LCN1: variants seen among roughly 807,000 people sequenced by gnomAD.
The protein encoded by LCN1 is lipocalin 1, also known as lipocalin-1.
A neutral mutation model predicts 22.3 loss-of-function variants in LCN1; 25 were observed. That is an observed-to-expected ratio of 1.12 (90% confidence interval 0.82 to 1.56). The LOEUF is 1.56. Among genes scored for constraint, LCN1 ranks in the 40% most tolerant of loss-of-function variants. LCN1 has a pLI of 0.00. For missense variants in LCN1, 219 were observed against 235.6 expected (o/e 0.93, Z 0.46); for synonymous variants, 85 against 97.6 (o/e 0.87, Z 0.76).
At chr9:135,522,613 T>C (rs112959046) in intron 2 of LCN1, among the ~76,000 whole-genome samples, 1,758 of 152,328 alleles carry the variant, frequency 0.012, 33 homozygotes, top group African/African-American at 0.039. Context: ...GAAATCCCTG[T>C]GTAGCGCTCA....
chr9:135,522,067 G>A lies in LCN1; in HGVS notation c.111G>A (p.Leu37=). The change falls in exon 2 of 7, where the codon CTG becomes CTA. Residue 37 remains leucine (L), a synonymous_variant. Transcript: ENST00000371781. ...TCCAGGTGTCAGGGACGTGGTATCT[G>A]AAGGCCATGACGGTGGACAGGGAGT... The part of the protein sequence containing the change: ...EIQDVSGTWY[L]KAMTVDREFP... 6.3e-7 allele frequency: 1 copy of A among 1,593,178 alleles called. No individual in the cohort carries two copies. Among genetic ancestry groups the A allele is most frequent in the East Asian group, 2.3e-5 (1 of 43,858 alleles).
intron 1 of LCN1, 126 bp from the exon 2 acceptor site, chr9:135,521,921 G>A (rs904512862): frequency 1.2e-5 from 17 of 1,449,544 alleles, no homozygotes; most frequent in Admixed American, 2.2e-5. Flanking sequence ...TTCTGGGTGG[G>A]TTAGATTGGG....
intron 1 of LCN1, among the ~76,000 whole-genome samples, 192 bp downstream of exon 1, chr9:135,521,779 G>A (rs1169994501): frequency 6.6e-6 from 1 of 151,962 alleles, no homozygotes; most frequent in African/African-American, 2.4e-5. Flanking sequence ...GGGGTGCAGA[G>A]TGGGCAGGGC....
At chr9:135,523,068 C>T (rs1348332976) in intron 2 of LCN1, among the ~76,000 whole-genome samples, 164 bp from the exon 3 acceptor site, 2 of 152,190 alleles carry the variant, frequency 1.3e-5, no homozygotes, top group African/African-American at 2.4e-5. Flanking sequence ...GCATGGGACC[C>T]GGAGGGGCCG....
rs747010685 is a variant in LCN1 at position 135,521,547 on chromosome 9, A to G, written c.50A>G (p.Gln17Arg). ...AVSLGLIAAL[Q>R]AHHLLASDEE... ...AGCCTTGGCCTCATTGCTGCCCTGCAGGCCCACCACCTCCTGGCCTCAGAC... is the reference window on the plus strand; with the variant it reads ...AGCCTTGGCCTCATTGCTGCCCTGCGGGCCCACCACCTCCTGGCCTCAGAC... The change falls in exon 1 of 7, where the codon CAG (glutamine) becomes CGG (arginine). Residue 17 changes from glutamine (Q) to arginine (R), a missense_variant. By Grantham distance (43) the Gln-to-Arg change is conservative. Transcript: ENST00000371781. The G allele has an allele frequency of 1.2e-6, 2 of 1,613,612 alleles. No homozygotes were observed. The highest frequency in any genetic ancestry group is 2.2e-5 in the South Asian group (2 of 91,034).
Position 135,524,863 on chromosome 9 carries a change from A to G in LCN1, c.437A>G (p.Glu146Gly). The change falls in exon 5 of 7, where the codon GAG becomes GGG. Residue 146 changes from glutamate (E) to glycine (G), a missense_variant. Physicochemically the swap from Glu to Gly is moderately conservative, Grantham distance 98 (BLOSUM62 -2). Transcript: ENST00000371781. ...RDPKNNLEAL[E>G]DFEKAAGARG... ...CCCAAGAACAACCTGGAAGCCTTGGAGGACTTTGAGAAAGCCGCAGGAGCC... is the reference window on the plus strand; with the variant it reads ...CCCAAGAACAACCTGGAAGCCTTGGGGGACTTTGAGAAAGCCGCAGGAGCC... The G allele has an allele frequency of 6.2e-7, 1 of 1,608,106 alleles. No individual in the cohort carries two copies. The highest frequency in any genetic ancestry group is 8.5e-7 in the Non-Finnish European group (1 of 1,177,304).
chr9:135,526,480 T>C lies in LCN1; in HGVS notation c.*138T>C. ...CACCCCTTCCTACCACCCCCCGCCTTCCCCCTGCCCTGCGCCCCCTCTCCT... is the reference window on the plus strand; with the variant it reads ...CACCCCTTCCTACCACCCCCCGCCTCCCCCCTGCCCTGCGCCCCCTCTCCT... On this transcript the variant is annotated 3_prime_UTR_variant, in exon 7 of 7. Coordinates refer to ENST00000371781, the MANE Select transcript of LCN1 (RefSeq NM_002297.4). 2 of 1,264,204 alleles carry C rather than the reference T, an allele frequency of 1.6e-6. No individual in the cohort carries two copies. Among genetic ancestry groups the C allele is most frequent in the Non-Finnish European group, 2.1e-6 (2 of 969,668 alleles). 78.3% of individuals were successfully genotyped at this position (1,264,204 alleles called of 1,614,324 possible). A position where few individuals can be genotyped will look rare whatever the true frequency, so the allele number is the denominator to read the frequency against.
rs1459493749 is a variant in LCN1 at position 135,524,222 on chromosome 9, A to C, written c.403+232A>C. ...AGAGGCAGGAAGGAGCCACGGCTGC[A>C]GGCACAGGGGTTCAAAGGTCACACA... On this transcript the variant is annotated intron_variant, in intron 4 of 6. Transcript: ENST00000371781. Among the ~76,000 whole-genome samples, 4 of 152,348 alleles carry C rather than the reference A, an allele frequency of 2.6e-5. No homozygotes were observed. The East Asian group carries it at 5.8e-4, about 22-fold the overall frequency.
Position 135,524,930 on chromosome 9 carries a change from C to A in LCN1, c.504C>A (p.Ser168Arg). Residue 168 changes from serine (S) to arginine (R), a missense_variant and splice_region_variant, in exon 5 of 7, where the codon AGC (serine) becomes AGA (arginine). By Grantham distance (110) the Ser-to-Arg change is moderately radical. Transcript: ENST00000371781. Reference sequence around the variant, plus strand: ...AGAGCATCCTCATCCCCAGGCAGAGCGGTAGGAGGCATGGCCCTGCAGAGC... The same window carrying A: ...AGAGCATCCTCATCCCCAGGCAGAGAGGTAGGAGGCATGGCCCTGCAGAGC... ...STESILIPRQSETCSPGSD is the reference protein window; with the variant it reads ...STESILIPRQRETCSPGSD 2 of 1,604,246 alleles carry A rather than the reference C, an allele frequency of 1.2e-6. No homozygotes were observed. The highest frequency in any genetic ancestry group is 2.2e-5 in the South Asian group (2 of 89,760).
Position 135,522,103 on chromosome 9 carries a change from G to T in LCN1, c.147G>T (p.Met49Ile), listed in dbSNP as rs768245070. 12 of 1,596,086 alleles carry T rather than the reference G, an allele frequency of 7.5e-6. No homozygotes were observed. Among genetic ancestry groups the T allele is most frequent in the Non-Finnish European group, 1.0e-5 (12 of 1,171,602 alleles). The stretch of plus-strand genomic sequence containing the variant: ...CGGTGGACAGGGAGTTCCCTGAGAT[G>T]AATCTGGAATCGGTGACACCCATGA... ...AMTVDREFPE[M>I]NLESVTPMTL... Residue 49 changes from methionine to isoleucine, a missense_variant, in exon 2 of 7, where the codon ATG becomes ATT. Physicochemically the swap from Met to Ile is conservative, Grantham distance 10. Transcript: ENST00000371781.
chr9:135,523,401 C>A lies in LCN1; in HGVS notation c.292+99C>A, dbSNP rs562691300. On this transcript the variant is annotated intron_variant, in intron 3 of 6. Transcript: ENST00000371781. ...TGGGGTGGCCTTTTGGCCTGGGAAG[C>A]CTTTTGCTGCCTTCTGACTCCACTA... 1.6e-4 allele frequency: 167 copies of A among 1,022,716 alleles called. 1 individual carries two copies. The South Asian group carries it at 2.6e-3, about 16-fold the overall frequency. 63.4% of individuals were successfully genotyped at this position (1,022,716 alleles called of 1,614,324 possible).
At chr9:135,522,700 G>A (rs976059235) in intron 2 of LCN1, among the ~76,000 whole-genome samples, 5 of 151,924 alleles carry the variant, frequency 3.3e-5, no homozygotes, top group Non-Finnish European at 5.9e-5. Context: ...GATTTCACCC[G>A]CATGGCTCCC....
chr9:135,524,388 G>A (rs1831577000), intron 4 of LCN1, among the ~76,000 whole-genome samples: 1 of 152,184 alleles, frequency 6.6e-6, no homozygotes, highest in South Asian at 2.1e-4. Context: ...CCAGCTCCCG[G>A]GGTTGAATTC....
chr9:135,523,872 T>C lies in LCN1; in HGVS notation c.293-8T>C, dbSNP rs1454342349. 3 of 1,612,580 alleles carry C rather than the reference T, an allele frequency of 1.9e-6. No homozygotes were observed. Among genetic ancestry groups the C allele is most frequent in the Admixed American group, 3.3e-5 (2 of 59,988 alleles). On this transcript the variant is annotated splice_region_variant and splice_polypyrimidine_tract_variant and intron_variant, in intron 3 of 6. Transcript: ENST00000371781. ...CTAATTCAGGAATGTGCTGCTGTCT[T>C]TCTGCAGACGGGGGCAAGCACGTGG...
rs200824516 is a variant in LCN1 at position 135,523,212 on chromosome 9, A to G, written c.222-20A>G. 1.7e-5 allele frequency: 27 copies of G among 1,609,088 alleles called. No individual in the cohort carries two copies. The East Asian group carries it at 5.6e-4, about 33-fold the overall frequency. On this transcript the variant is annotated intron_variant, in intron 2 of 6. Transcript: ENST00000371781. ...AGGCACAGGCCAGGGCCGCTTTGCC[A>G]GGGGGCTTCTGTTTTCCAGGATAAG...
intron 4 of LCN1, among the ~76,000 whole-genome samples, chr9:135,524,545 G>A (rs956013275): frequency 1.8e-4 from 28 of 152,292 alleles, no homozygotes; most frequent in African/African-American, 5.3e-4. Context: ...GGGGAGAGGC[G>A]CTTCCTCCAG....
intron 6 of LCN1, 151 bp downstream of exon 6, chr9:135,525,309 G>T (rs947118727): frequency 1.9e-5 from 14 of 748,242 alleles, no homozygotes; most frequent in Non-Finnish European, 2.4e-5. Flanking sequence ...CTCTGCTCCT[G>T]AGCTGCCCAC....
In LCN1 at chr9:135,524,012, T is replaced by C. The variant is rs530717951; in HGVS notation, c.403+22T>C. The C allele has an allele frequency of 2.8e-4, 444 of 1,570,874 alleles. 7 individuals are homozygous for C. The Admixed American group carries it at 7.2e-3, about 25-fold the overall frequency. On this transcript the variant is annotated intron_variant, in intron 4 of 6. Transcript: ENST00000371781. Reference sequence around the variant, plus strand: ...GTGGGTGGGTCCCGCACCCTCACCCTGCAACCCATGCCTCCACCTGCCCTC... The same window carrying C: ...GTGGGTGGGTCCCGCACCCTCACCCCGCAACCCATGCCTCCACCTGCCCTC...
At chr9:135,524,731 G>A in intron 4 of LCN1, 99 bp from the exon 5 acceptor site, 2 of 902,758 alleles carry the variant, frequency 2.2e-6, no homozygotes, top group Non-Finnish European at 3.3e-6. Context: ...CGGTGGGCGA[G>A]GTCCCCTTCC....
Sources: allele counts gnomAD v4.1 joint callset (sites outside exome capture counted in the v4.1 genomes callset), GRCh38; gene constraint gnomAD v4.1.1; transcripts MANE v1.5; gene names NCBI Gene and HGNC (gene_info 2026-07-23, HGNC 2026-07-21).